The following C6 variants were observed in gnomAD, a reference collection of about 807,000 sequenced individuals.
The protein encoded by C6 is complement component C6.
In C6, 101 loss-of-function variants were observed where a neutral mutation model predicts 112.9. That is an observed-to-expected ratio of 0.89 (90% CI 0.76 to 1.06). The LOEUF (loss-of-function observed/expected upper bound fraction) is 1.06. Ranked by LOEUF, C6 falls within the 50% of genes least tolerant of loss-of-function variation. The pLI is 0.00. For missense variants in C6, 1,202 were observed against 1,104.6 expected, an observed-to-expected ratio of 1.09 and a Z score of -1.25; for synonymous variants, 431 against 384.1, an observed-to-expected ratio of 1.12 and a Z score of -1.43.
chr5:41,222,836 A>G (rs1054754793), intron 1 of C6, among the ~76,000 whole-genome samples: 12 of 152,084 alleles, frequency 7.9e-5, no homozygotes, highest in Non-Finnish European at 4.4e-5. Context: ...CTTGTATTGA[A>G]AGAGTAATGA....
chr5:41,240,434 G>T (rs191612980), intron 1 of C6, among the ~76,000 whole-genome samples: 2 of 152,124 alleles, frequency 1.3e-5, no homozygotes, highest in African/African-American at 4.8e-5. Flanking sequence ...TCCTTGGGCC[G>T]CTGAGCAGCA....
chr5:41,187,532 C>T (rs780258828), intron 5 of C6, among the ~76,000 whole-genome samples: 15 of 152,046 alleles, frequency 9.9e-5, no homozygotes, highest in Admixed American at 5.2e-4. Flanking sequence ...ATTACTCAGG[C>T]GCTTCTAACC....
intron 8 of C6, among the ~76,000 whole-genome samples, chr5:41,173,225 C>G (rs1208354385): frequency 6.6e-6 from 1 of 152,156 alleles, no homozygotes; most frequent in Non-Finnish European, 1.5e-5. Context: ...TGCTCTGAGG[C>G]TCAGCCATCC....
chr5:41,154,350 T>C (rs1439947392), intron 14 of C6, among the ~76,000 whole-genome samples: 1 of 152,250 alleles, frequency 6.6e-6, no homozygotes, highest in Non-Finnish European at 1.5e-5. Flanking sequence ...CTATGACTGA[T>C]GCAGAGTGAT....
intron 1 of C6, among the ~76,000 whole-genome samples, chr5:41,205,966 C>T (rs547299990): frequency 6.6e-6 from 1 of 152,320 alleles, no homozygotes; most frequent in East Asian, 1.9e-4. Context: ...GAAACACCTC[C>T]CAGTACGGGC....
intron 1 of C6, among the ~76,000 whole-genome samples, chr5:41,245,515 A>T (rs1740968754): frequency 6.6e-6 from 1 of 152,078 alleles, no homozygotes; most frequent in South Asian, 2.1e-4. Flanking sequence ...GAAAAAAAAA[A>T]ATTTAACAAG....
At chr5:41,191,458 C>T (rs1040259900) in intron 5 of C6, among the ~76,000 whole-genome samples, 2 of 152,150 alleles carry the variant, frequency 1.3e-5, no homozygotes, top group Non-Finnish European at 2.9e-5. Flanking sequence ...GCAAGTCATT[C>T]GTGTTTTAAT....
intron 4 of C6, 113 bp downstream of exon 4, chr5:41,199,655 T>G: frequency 9.3e-7 from 1 of 1,076,622 alleles, no homozygotes; most frequent in Non-Finnish European, 1.4e-6. Context: ...CCACTCTGCT[T>G]AAAATGTGGT....
At chr5:41,203,363 GCCTT>G in intron 1 of C6, 113 bp from the exon 2 acceptor site, 13 of 1,132,832 alleles carry the variant, frequency 1.1e-5, no homozygotes, top group Non-Finnish European at 1.5e-5. Context: ...GCATTTTTCT[GCCTT>G]CCTTAAGGCA....
chr5:41,197,068 G>A (rs1004616647), intron 4 of C6, among the ~76,000 whole-genome samples: 2 of 152,052 alleles, frequency 1.3e-5, no homozygotes, highest in African/African-American at 4.8e-5. Flanking sequence ...CTACAATTAT[G>A]CATGACTGTT....
In C6 at chr5:41,199,899, G is replaced by T; in HGVS notation, c.314C>A (p.Ser105Tyr). 4.3e-6 allele frequency: 7 copies of T among 1,613,636 alleles called. No individual in the cohort carries two copies. Among genetic ancestry groups the T allele is most frequent in the Non-Finnish European group, 5.9e-6 (7 of 1,179,702 alleles). The part of the protein sequence containing the change: ...PCIEKQSKVR[S>Y]VLRPSQFGGQ... ...CCCAAACTGACTGGGACGCAAGACAGATCTAACTTTAGACTGAAAGGAAAG... is the reference window on the plus strand; with the variant it reads ...CCCAAACTGACTGGGACGCAAGACATATCTAACTTTAGACTGAAAGGAAAG... The change falls in exon 4 of 18, where the codon TCT (serine) becomes TAT (tyrosine). Residue 105 changes from serine (S) to tyrosine (Y), a missense_variant. Physicochemically the swap from Ser to Tyr is moderately radical, Grantham distance 144. Transcript: ENST00000337836.
chr5:41,240,817 T>C (rs1740659959), intron 1 of C6, among the ~76,000 whole-genome samples: 1 of 152,238 alleles, frequency 6.6e-6, no homozygotes, highest in African/African-American at 2.4e-5. Flanking sequence ...AGATGGGGAA[T>C]ACCAGGTGAG....
chr5:41,176,865 A>G, intron 7 of C6, 150 bp from the exon 8 acceptor site: 1 of 805,528 alleles, frequency 1.2e-6, no homozygotes, highest in Admixed American at 2.8e-5. Flanking sequence ...CACGTACAAA[A>G]TTATAATTTT....
At chr5:41,188,472 C>T (rs1234946144) in intron 5 of C6, among the ~76,000 whole-genome samples, 2 of 152,124 alleles carry the variant, frequency 1.3e-5, no homozygotes, top group East Asian at 1.9e-4. Context: ...TAAACCCATA[C>T]ATCTATGGTC....
intron 5 of C6, chr5:41,186,417 A>G: frequency 1.7e-6 from 1 of 581,244 alleles, no homozygotes; most frequent in East Asian, 2.9e-5. Context: ...CTCTGGCTCT[A>G]TTAGGTTCTC....
intron 1 of C6, among the ~76,000 whole-genome samples, chr5:41,226,404 T>A (rs1233196686): frequency 1.3e-5 from 2 of 152,130 alleles, no homozygotes; most frequent in Non-Finnish European, 2.9e-5. Flanking sequence ...CACAATGAGA[T>A]ACCATCTCAC....
intron 15 of C6, among the ~76,000 whole-genome samples, chr5:41,150,859 C>T (rs1746324129): frequency 6.7e-6 from 1 of 149,998 alleles, no homozygotes; most frequent in Admixed American, 6.6e-5. Context: ...TGCACCCAGC[C>T]TGGGCAACAG....
intron 1 of C6, among the ~76,000 whole-genome samples, chr5:41,259,841 G>A (rs1741936998): frequency 6.6e-6 from 1 of 152,152 alleles, no homozygotes; most frequent in Non-Finnish European, 1.5e-5. Flanking sequence ...CTTTCAATAG[G>A]GGTGCTGTTG....
At chr5:41,246,226 C>G (rs188110709) in intron 1 of C6, among the ~76,000 whole-genome samples, 49 of 152,290 alleles carry the variant, frequency 3.2e-4, no homozygotes, top group Admixed American at 4.6e-4. Context: ...CTCTTGGATT[C>G]CATGCCTCTT....
Sources: allele counts gnomAD v4.1 joint callset (sites outside exome capture counted in the v4.1 genomes callset), GRCh38; gene constraint gnomAD v4.1.1; transcripts MANE v1.5; gene names NCBI Gene and HGNC (gene_info 2026-07-23, HGNC 2026-07-21).